Variants in OGG1 observed in about 807,000 individuals in gnomAD.
OGG1 encodes N-glycosylase/DNA lyase.
In OGG1, 35 loss-of-function variants were observed where a neutral mutation model predicts 42.3. The observed-to-expected ratio is 0.83, with a 90% CI of 0.63 to 1.10. OGG1 has a LOEUF of 1.10. Among genes scored for constraint, OGG1 ranks in the 50% least tolerant of loss-of-function variants. The probability of loss-of-function intolerance (pLI) is 0.00; values close to 1 mark genes in which losing one functional copy is unlikely to be tolerated. For missense variants in OGG1, 484 were observed against 446.7 expected (o/e 1.08, Z -0.75); for synonymous variants, 189 against 179.0 (o/e 1.06, Z -0.44).
chr3:9,763,985 T>A (rs762498986), intron 7 of OGG1, among the ~76,000 whole-genome samples: 10 of 151,942 alleles, frequency 6.6e-5, no homozygotes, highest in Non-Finnish European at 1.3e-4. Context: ...AAACTCCATC[T>A]CAAAAAAAAT....
intron 3 of OGG1, among the ~76,000 whole-genome samples, chr3:9,753,775 AGT>A (rs2077415370): frequency 6.6e-6 from 1 of 152,264 alleles, no homozygotes. Flanking sequence ...TGGGAATAAC[AGT>A]TTCTATCTAG....
chr3:9,773,679 C>A, intron 2 of OGG1, among the ~76,000 whole-genome samples: 1 of 139,068 alleles, frequency 7.2e-6, no homozygotes, highest in African/African-American at 2.7e-5. Flanking sequence ...TCCATCAATT[C>A]TTTTATTTAT....
chr3:9,757,779 C>T (rs758189766), downstream of OGG1: 1 of 1,614,104 alleles, frequency 6.2e-7, no homozygotes, highest in Non-Finnish European at 8.5e-7. The surrounding 1 kb of genome is among the most constrained non-coding windows in gnomAD (Gnocchi z 4.5). Flanking sequence ...CTGCCCCTGC[C>T]CCTCCTGGCT....
At chr3:9,767,916 ACATT>A, downstream of OGG1, 1 of 1,295,674 alleles carries the variant, frequency 7.7e-7, no homozygotes, top group Non-Finnish European at 1.0e-6. Flanking sequence ...CATTCAACAA[ACATT>A]CATTTGTTTA....
At chr3:9,784,036 G>C (rs1181898388) in intron 3 of OGG1, 5 of 1,613,904 alleles carry the variant, frequency 3.1e-6, no homozygotes, top group Non-Finnish European at 4.2e-6. Flanking sequence ...ACCTCAGCAG[G>C]TCGTGCTTCT....
At chr3:9,787,546 C>A in intron 3 of OGG1, 2 of 942,292 alleles carry the variant, frequency 2.1e-6, no homozygotes, top group Non-Finnish European at 3.1e-6. Flanking sequence ...AGAACTAAGA[C>A]ACACACACAG....
Position 9,750,953 on chromosome 3 carries a change from A to C in OGG1, c.146A>C (p.Glu49Ala). 1 of 1,613,940 alleles carries C rather than the reference A, an allele frequency of 6.2e-7. No homozygotes were observed. Among genetic ancestry groups the C allele is most frequent in the Non-Finnish European group, 8.5e-7 (1 of 1,179,998 alleles). Residue 49 changes from glutamate to alanine, a missense_variant, in exon 2 of 7, where the codon GAG becomes GCG. Glu to Ala is a moderately radical substitution (Grantham distance 107, BLOSUM62 -1). Coordinates refer to ENST00000344629, the MANE Select transcript of OGG1 (RefSeq NM_002542.6). ...ATGTGCCTTGGGCTCAGGTGGAGGG[A>C]GCAAAGTCCTGCACACTGGAGTGGT... Reference protein sequence around the residue: ...LPSGQSFRWREQSPAHWSGVL... With the variant: ...LPSGQSFRWRAQSPAHWSGVL...
At chr3:9,770,208 G>T (rs2078271782), downstream of OGG1, among the ~76,000 whole-genome samples, 1 of 152,186 alleles carries the variant, frequency 6.6e-6, no homozygotes, top group Non-Finnish European at 1.5e-5. Context: ...TCAGCGGGTG[G>T]TCGGAAGCAA....
downstream of OGG1, chr3:9,760,034 A>T (rs1360934841): frequency 3.0e-6 from 1 of 331,730 alleles, no homozygotes; most frequent in African/African-American, 2.1e-5. Context: ...CGAGGTCAGG[A>T]GTTCAAGACC....
rs750224987 is a variant in OGG1 at position 9,757,303 on chromosome 3, C to T, written c.*153C>T. The T allele has an allele frequency of 6.2e-7, 1 of 1,614,066 alleles. No homozygotes were observed. The highest frequency in any genetic ancestry group is 1.3e-5 in the African/African-American group (1 of 74,920). On this transcript the variant is annotated 3_prime_UTR_variant, in exon 7 of 7. Transcript: ENST00000344629. The surrounding 1 kb of genome is among the most constrained non-coding windows in gnomAD (Gnocchi z 4.5). ...CCCCAAATCAAGCAGTCAGTTTGCA[C>T]AACAAGATGGGGTGGGGGATATTGA... is the stretch of plus-strand genomic sequence containing the variant.
At position 9,757,299 on chromosome 3, in the gene OGG1, T is replaced by C; in HGVS notation, c.*149T>C. On this transcript the variant is annotated 3_prime_UTR_variant, in exon 7 of 7. Transcript: ENST00000344629. The surrounding 1 kb of genome is among the most constrained non-coding windows in gnomAD (Gnocchi z 4.5). The stretch of plus-strand genomic sequence containing the variant: ...GCACCCCCAAATCAAGCAGTCAGTT[T>C]GCACAACAAGATGGGGTGGGGGATA... 6.2e-7 allele frequency: 1 copy of C among 1,614,190 alleles called. No individual in the cohort carries two copies. The highest frequency in any genetic ancestry group is 8.5e-7 in the Non-Finnish European group (1 of 1,180,038).
intron 4 of OGG1, among the ~76,000 whole-genome samples, chr3:9,756,234 T>C (rs1030053401): frequency 2.0e-5 from 3 of 152,142 alleles, no homozygotes; most frequent in African/African-American, 7.2e-5. Flanking sequence ...GGAGAATTGC[T>C]TGAACCTGGG....
downstream of OGG1, chr3:9,760,311 G>A (rs751976674): frequency 2.1e-5 from 5 of 242,286 alleles, no homozygotes; most frequent in Non-Finnish European, 4.1e-5. Context: ...GATGATAAAC[G>A]ATAGTAGCTT....
chr3:9,781,736 G>T, intron 3 of OGG1: 1 of 395,228 alleles, frequency 2.5e-6, no homozygotes, highest in Non-Finnish European at 5.3e-6. Flanking sequence ...GCTCAGGTCA[G>T]GGGCTGCTTA....
At chr3:9,784,729 G>T (rs975497206) in intron 3 of OGG1, among the ~76,000 whole-genome samples, 2 of 151,956 alleles carry the variant, frequency 1.3e-5, no homozygotes, top group African/African-American at 4.8e-5. Flanking sequence ...GCCATACATG[G>T]TGGCAGGCGC....
chr3:9,757,623 T>C, downstream of OGG1: 1 of 1,614,162 alleles, frequency 6.2e-7, no homozygotes, highest in Non-Finnish European at 8.5e-7. The surrounding 1 kb of genome is among the most constrained non-coding windows in gnomAD (Gnocchi z 4.5). Context: ...CTGCCGGCCC[T>C]GCATGGGAAG....
exon 8 of OGG1, chr3:9,766,432 G>A (rs902710908): frequency 1.1e-5 from 5 of 446,196 alleles, no homozygotes; most frequent in African/African-American, 8.0e-5. Flanking sequence ...AGCATCACCC[G>A]GGAACTTTTT....
In OGG1 at chr3:9,751,053, G is replaced by A; in HGVS notation, c.246G>A (p.Lys82=). Residue 82 remains lysine, a synonymous_variant, in exon 2 of 7, where the codon AAG becomes AAA. Transcript: ENST00000344629. ...ACTGCACTGTGTACCGAGGAGACAA[G>A]AGCCAGGCTAGCAGGCCCACACCAG... The part of the protein sequence containing the change: ...QLHCTVYRGD[K]SQASRPTPDE... 2 of 1,613,864 alleles carry A rather than the reference G, an allele frequency of 1.2e-6. No individual in the cohort carries two copies. Among genetic ancestry groups the A allele is most frequent in the Non-Finnish European group, 1.7e-6 (2 of 1,179,864 alleles).
downstream of OGG1, chr3:9,759,469 A>G: frequency 6.2e-7 from 1 of 1,614,138 alleles, no homozygotes; most frequent in Non-Finnish European, 8.5e-7. Context: ...TGGGACCAGA[A>G]CTAGGGATAT....
Sources: allele counts gnomAD v4.1 joint callset (sites outside exome capture counted in the v4.1 genomes callset), GRCh38; gene constraint gnomAD v4.1.1; non-coding constraint Gnocchi (gnomAD v3.1); transcripts MANE v1.5; gene names NCBI Gene and HGNC (gene_info 2026-07-23, HGNC 2026-07-21).